The following PLEKHG4B variants were observed in gnomAD, a reference collection of about 807,000 sequenced individuals.
The protein encoded by PLEKHG4B is pleckstrin homology and RhoGEF domain containing G4B, also known as pleckstrin homology domain-containing family G member 4B.
PLEKHG4B carries 111 observed loss-of-function variants against 121.3 expected under a neutral mutation model. That is an observed-to-expected ratio of 0.92 (90% CI 0.78 to 1.07). The LOEUF is 1.07. Among genes scored for constraint, PLEKHG4B ranks in the 50% least tolerant of loss-of-function variants. The probability of loss-of-function intolerance (pLI) is 0.00; values close to 1 mark genes in which losing one functional copy is unlikely to be tolerated. For synonymous variants in PLEKHG4B, 738 were observed against 725.0 expected, an observed-to-expected ratio of 1.02 and a Z score of -0.29; for missense variants, 1,831 against 1,757.8, an observed-to-expected ratio of 1.04 and a Z score of -0.74.
In PLEKHG4B at chr5:183,990, TC is replaced by T. The variant is rs1487052154; in HGVS notation, c.*1668del. 1 of 38,320 alleles carries T rather than the reference TC, an allele frequency of 2.6e-5. No individual in the cohort carries two copies. Among genetic ancestry groups the T allele is most frequent in the South Asian group, 9.1e-4 (1 of 1,098 alleles). The allele number at this position is 38,320 out of a possible 1,614,324, so 2.4% of individuals were successfully genotyped here. A position where few individuals can be genotyped will look rare whatever the true frequency, so the allele number is the denominator to read the frequency against. On this transcript the variant is annotated 3_prime_UTR_variant, in exon 20 of 20. Coordinates refer to ENST00000637938, the MANE Select transcript of PLEKHG4B (RefSeq NM_052909.5). ...ACAGACAGATAGATAGATAGATAGA[TC>T]GATAGATAGATAGATAGATAGATAG...
At position 118,787 on chromosome 5, in the gene PLEKHG4B, G is replaced by T. The variant is rs377557369; in HGVS notation, c.243+5339G>T. ...TTTGCTCCCCAACACTTTGTCTTTT[G>T]TTGTCATATATTATATATATATATG... On this transcript the variant is annotated intron_variant, in intron 2 of 19. Transcript: ENST00000637938. Among the ~76,000 whole-genome samples the T allele has an allele frequency of 2.0e-5, 3 of 150,724 alleles. No homozygotes were observed. The East Asian group carries it at 5.8e-4, about 29-fold the overall frequency.
At chr5:145,037 C>G (rs573135363) in intron 6 of PLEKHG4B, 117 bp downstream of exon 6, 2 of 935,190 alleles carry the variant, frequency 2.1e-6, no homozygotes, top group African/African-American at 3.3e-5. Context: ...TGTGAAGATT[C>G]GAGATGGGGG....
chr5:96,804 A>C (rs947035518), intron 1 of PLEKHG4B, among the ~76,000 whole-genome samples: 9 of 152,210 alleles, frequency 5.9e-5, no homozygotes, highest in Admixed American at 2.6e-4. Context: ...TTGTTTGGGA[A>C]AGTTTACAGC....
At chr5:98,837 CTTT>C (rs925964165) in intron 1 of PLEKHG4B, among the ~76,000 whole-genome samples, 111 of 79,234 alleles carry the variant, frequency 1.4e-3, no homozygotes, top group African/African-American at 5.2e-3. Context: ...TTGAATTTTC[CTTT>C]TTTTTTTTTT....
chr5:163,261 C>A lies in PLEKHG4B; in HGVS notation c.3189C>A (p.Pro1063=). Residue 1063 remains proline (P), a synonymous_variant, in exon 13 of 20, where the codon CCC becomes CCA. Transcript: ENST00000637938. ...ACAGCTCTGCCTGTTCCTCTGAGCC[C>A]ACCCAGACCCTGGCCAGCCGCCCCA... ...LEDSSACSSE[P]TQTLASRPRK... The A allele has an allele frequency of 6.2e-7, 1 of 1,612,470 alleles. No homozygotes were observed. The highest frequency in any genetic ancestry group is 8.5e-7 in the Non-Finnish European group (1 of 1,179,696).
rs989658519 is a variant in PLEKHG4B at position 137,529 on chromosome 5, T to G, written c.244-1954T>G. Reference sequence around the variant, plus strand: ...GTTCCCTTCTACAGTGAAGAAACCCTATGCATATTGGAAATAGGGTTTGGA... The same window carrying G: ...GTTCCCTTCTACAGTGAAGAAACCCGATGCATATTGGAAATAGGGTTTGGA... On this transcript the variant is annotated intron_variant, in intron 2 of 19. Coordinates refer to ENST00000637938, the MANE Select transcript of PLEKHG4B (RefSeq NM_052909.5). The surrounding 1 kb of genome is among the most constrained non-coding windows in gnomAD (Gnocchi z 4.2). Among the ~76,000 whole-genome samples, 1 of 152,202 alleles carries G rather than the reference T, an allele frequency of 6.6e-6. No homozygotes were observed. Among genetic ancestry groups the G allele is most frequent in the African/African-American group, 2.4e-5 (1 of 41,434 alleles).
chr5:175,325 C>T (rs980462242), intron 18 of PLEKHG4B, among the ~76,000 whole-genome samples: 7 of 152,064 alleles, frequency 4.6e-5, no homozygotes, highest in African/African-American at 7.2e-5. Flanking sequence ...CTCCCCCCAC[C>T]GACTTCTTCA....
chr5:162,267 TCCC>T (rs1736037460), intron 12 of PLEKHG4B, among the ~76,000 whole-genome samples: 1 of 70,712 alleles, frequency 1.4e-5, no homozygotes, highest in African/African-American at 6.2e-5. Flanking sequence ...GCCTGCGAGC[TCCC>T]ACGCGCCCCA....
rs1305928048 is a variant in PLEKHG4B at position 157,283 on chromosome 5, A to G, written c.2487+372A>G. Among the ~76,000 whole-genome samples the G allele has an allele frequency of 2.0e-5, 3 of 152,132 alleles. No individual in the cohort carries two copies. The highest frequency in any genetic ancestry group is 4.4e-5 in the Non-Finnish European group (3 of 68,038). ...GCCGAGGTGAAACCGACACAGGTAG[A>G]GAGAGTCTGGGCCAAGGTTGAGGAC... On this transcript the variant is annotated intron_variant, in intron 11 of 19. Transcript: ENST00000637938. The surrounding 1 kb of genome is among the most constrained non-coding windows in gnomAD (Gnocchi z 4.6).
chr5:111,272 A>G (rs1734149266), intron 1 of PLEKHG4B, among the ~76,000 whole-genome samples: 1 of 152,214 alleles, frequency 6.6e-6, no homozygotes, highest in Non-Finnish European at 1.5e-5. Context: ...CCCAATTCTC[A>G]GTCTGCAGGC....
At chr5:165,195 C>T (rs866222478) in intron 13 of PLEKHG4B, among the ~76,000 whole-genome samples, 20 of 42,154 alleles carry the variant, frequency 4.7e-4, no homozygotes, top group African/African-American at 7.4e-4. Flanking sequence ...ACTCCTCTGA[C>T]GGGGCGGAGC....
chr5:109,323 G>A (rs972173928), intron 1 of PLEKHG4B, among the ~76,000 whole-genome samples: 38 of 151,326 alleles, frequency 2.5e-4, no homozygotes, highest in African/African-American at 9.3e-4. Flanking sequence ...CTTGAACCCG[G>A]GAGGTGGAGG....
At position 140,480 on chromosome 5, in the gene PLEKHG4B, TAGAGAAGG is replaced by T; in HGVS notation, c.1246_1253del (p.Lys416AlafsTer173). On this transcript the variant is annotated frameshift_variant, in exon 3 of 20. Transcript: ENST00000637938. LOFTEE classifies it high-confidence loss of function. ...GGAGACCCCCAACAGACCCCAAGTC[TAGAGAAGG>T]AGAGGCACACACCCAGCCGGACAGG... 2 of 1,593,822 alleles carry T rather than the reference TAGAGAAGG, an allele frequency of 1.3e-6. No homozygotes were observed. Among genetic ancestry groups the T allele is most frequent in the Non-Finnish European group, 1.7e-6 (2 of 1,170,614 alleles).
chr5:165,837 C>T lies in PLEKHG4B; in HGVS notation c.3476+2289C>T, dbSNP rs173131. On this transcript the variant is annotated intron_variant, in intron 13 of 19. Coordinates refer to ENST00000637938, the MANE Select transcript of PLEKHG4B (RefSeq NM_052909.5). ...GACGGGGCTCACACTAATGCTCTGA[C>T]GGGGCGGGGCTCACAGTAATCCTCT... is the stretch of plus-strand genomic sequence containing the variant. Among the ~76,000 whole-genome samples the T allele has an allele frequency of 1.9e-3, 21 of 11,344 alleles. 1 individual carries two copies. Among genetic ancestry groups the T allele is most frequent in the African/African-American group, 7.2e-3 (20 of 2,790 alleles). 7.4% of individuals were successfully genotyped at this position (11,344 alleles called of 152,430 possible).
chr5:110,193 A>T (rs1380476840), intron 1 of PLEKHG4B, among the ~76,000 whole-genome samples: 3 of 147,576 alleles, frequency 2.0e-5, no homozygotes, highest in Admixed American at 6.7e-5. Context: ...TCTGCAACGC[A>T]CATGCACACA....
Position 125,311 on chromosome 5 carries a change from A to C in PLEKHG4B, c.243+11863A>C, listed in dbSNP as rs540866826. On this transcript the variant is annotated intron_variant, in intron 2 of 19. Coordinates refer to ENST00000637938, the MANE Select transcript of PLEKHG4B (RefSeq NM_052909.5). Reference sequence around the variant, plus strand: ...CAGTGTTTAGTTGATTTTTTGTAGTAAAAGTCTTAAATTCTTTCCTTGTTT... The same window carrying C: ...CAGTGTTTAGTTGATTTTTTGTAGTCAAAGTCTTAAATTCTTTCCTTGTTT... 2.6e-5 allele frequency among the ~76,000 whole-genome samples: 4 copies of C among 151,548 alleles called. No homozygotes were observed. In the South Asian group the frequency reaches 8.3e-4, roughly 31 times the overall value.
chr5:129,481 T>A (rs1473694422), intron 2 of PLEKHG4B, among the ~76,000 whole-genome samples: 1 of 152,238 alleles, frequency 6.6e-6, no homozygotes, highest in East Asian at 1.9e-4. Flanking sequence ...CATGTATTGA[T>A]GTATGTCTTT....
intron 2 of PLEKHG4B, among the ~76,000 whole-genome samples, chr5:128,601 T>C (rs7727602): frequency 0.19 from 28,688 of 152,180 alleles, 3,771 homozygotes; most frequent in African/African-American, 0.37. Context: ...GGGCTGCCAG[T>C]GGGGCCAAGA....
chr5:144,823 C>A lies in PLEKHG4B; in HGVS notation c.1812-4C>A. On this transcript the variant is annotated splice_polypyrimidine_tract_variant and splice_region_variant and intron_variant, in intron 5 of 19. Coordinates refer to ENST00000637938, the MANE Select transcript of PLEKHG4B (RefSeq NM_052909.5). ...GTTAAGATGGGCTGTCTTTCCCTCC[C>A]CAGGAAAGAGGTCCGGGACCTGGGG... is the stretch of plus-strand genomic sequence containing the variant. 6.2e-7 allele frequency: 1 copy of A among 1,611,326 alleles called. No individual in the cohort carries two copies. Among genetic ancestry groups the A allele is most frequent in the Non-Finnish European group, 8.5e-7 (1 of 1,178,188 alleles).
Sources: gnomAD v4.1 joint callset for allele counts (sites outside exome capture counted in the v4.1 genomes callset) on GRCh38, gnomAD v4.1.1 for gene constraint, Gnocchi (gnomAD v3.1) non-coding constraint, MANE v1.5 for transcripts, NCBI Gene and HGNC (gene_info 2026-07-23, HGNC 2026-07-21) for gene names.